The following SMAD7 variants were observed in gnomAD, a reference collection of about 807,000 sequenced individuals.
The protein encoded by SMAD7 is MAD (mothers against decapentaplegic, Drosophila) homolog 7.
SMAD7 carries 8 observed loss-of-function variants against 38.7 expected under a neutral mutation model. The observed-to-expected ratio is 0.21, with a 90% confidence interval of 0.12 to 0.37. The LOEUF (loss-of-function observed/expected upper bound fraction) is 0.37. Among genes scored for constraint, SMAD7 ranks in the 10% least tolerant of loss-of-function variants. The probability of loss-of-function intolerance (pLI) is 1.00; values close to 1 mark genes in which losing one functional copy is unlikely to be tolerated. For synonymous variants in SMAD7, 327 were observed against 265.1 expected (o/e 1.23, Z -2.27); for missense variants, 477 against 577.9 (o/e 0.83, Z 1.79).
rs1555716118 is a variant in SMAD7, at chr18:48,929,569, T to TCACACACACACACA, written c.743-7660_743-7659insTGTGTGTGTGTGTG. On this transcript the variant is annotated intron_variant, in intron 3 of 3. Coordinates refer to ENST00000262158, the MANE Select transcript of SMAD7 (RefSeq NM_005904.4). ...CTCTCTTTCTCTCTCTCTCTCTCTCTCACTCACACACACACACACACACAC... is the reference window on the plus strand; with the variant it reads ...CTCTCTTTCTCTCTCTCTCTCTCTCTCACACACACACACACACTCACACACACACACACACACAC... 1.9e-3 allele frequency among the ~76,000 whole-genome samples: 221 copies of TCACACACACACACA among 114,610 alleles called. 1 individual carries two copies. Among genetic ancestry groups the TCACACACACACACA allele is most frequent in the Admixed American group, 3.5e-3 (39 of 11,210 alleles). The allele number at this position is 114,610 out of a possible 152,430, so 75.2% of individuals were successfully genotyped here. A position where few individuals can be genotyped will look rare whatever the true frequency, so the allele number is the denominator to read the frequency against.
chr18:48,941,135 C>G (rs2070134746), intron 3 of SMAD7, among the ~76,000 whole-genome samples: 1 of 152,162 alleles, frequency 6.6e-6, no homozygotes, highest in African/African-American at 2.4e-5. Flanking sequence ...TTCTTTCTTT[C>G]AAGAACTCTC....
At chr18:48,934,677 T>G (rs1160938409) in intron 3 of SMAD7, among the ~76,000 whole-genome samples, 1 of 151,944 alleles carries the variant, frequency 6.6e-6, no homozygotes, top group African/African-American at 2.4e-5. Flanking sequence ...ACCCTTCTGG[T>G]AAAATATTTT....
intron 3 of SMAD7, among the ~76,000 whole-genome samples, chr18:48,937,015 G>T (rs984817805): frequency 6.6e-6 from 1 of 151,858 alleles, no homozygotes; most frequent in Non-Finnish European, 1.5e-5. Flanking sequence ...GGAGGCAGAG[G>T]TTGCAGTGAC....
rs1375788720 is a variant in SMAD7, at chr18:48,950,508, C to G, written c.-84G>C. On this transcript the variant is annotated 5_prime_UTR_variant, in exon 1 of 4. Coordinates refer to ENST00000262158, the MANE Select transcript of SMAD7 (RefSeq NM_005904.4). ...CGCACACCATGAAGAAGTCGGGCGC[C>G]GAGTTGGGGCAGCAGGCGCAGGCGA... 7.4e-7 allele frequency: 1 copy of G among 1,355,164 alleles called. No homozygotes were observed. The highest frequency in any genetic ancestry group is 3.1e-5 in the Admixed American group (1 of 32,722). 83.9% of individuals were successfully genotyped at this position (1,355,164 alleles called of 1,614,324 possible).
At chr18:48,946,442 G>T (rs1283007316) in intron 2 of SMAD7, among the ~76,000 whole-genome samples, 1 of 151,678 alleles carries the variant, frequency 6.6e-6, no homozygotes, top group African/African-American at 2.4e-5. Flanking sequence ...GGGGGGGTGT[G>T]CTCCAGCTCC....
chr18:48,933,899 A>G (rs1045395126), intron 3 of SMAD7, among the ~76,000 whole-genome samples: 1 of 152,228 alleles, frequency 6.6e-6, no homozygotes, highest in Non-Finnish European at 1.5e-5. Context: ...AACAAAACAA[A>G]GCACGCTAAG....
At chr18:48,932,406 G>A (rs1170641352) in intron 3 of SMAD7, among the ~76,000 whole-genome samples, 1 of 152,210 alleles carries the variant, frequency 6.6e-6, no homozygotes, top group African/African-American at 2.4e-5. Context: ...ATACTGAAAT[G>A]AGCACACAGT....
At chr18:48,922,956 T>A (rs1393485897) in intron 3 of SMAD7, among the ~76,000 whole-genome samples, 2 of 151,474 alleles carry the variant, frequency 1.3e-5, no homozygotes, top group African/African-American at 4.9e-5. Flanking sequence ...AAAAGGGGGG[T>A]CACACGGAGG....
intron 3 of SMAD7, among the ~76,000 whole-genome samples, chr18:48,922,908 G>GT (rs2069879932): frequency 6.6e-6 from 1 of 152,116 alleles, no homozygotes; most frequent in Non-Finnish European, 1.5e-5. Flanking sequence ...GGTGATTCTG[G>GT]TAAGGTAATT....
intron 2 of SMAD7, among the ~76,000 whole-genome samples, chr18:48,943,578 C>A (rs530102282): frequency 6.6e-6 from 1 of 152,230 alleles, no homozygotes; most frequent in African/African-American, 2.4e-5. Context: ...GCGCCAAACT[C>A]CCTGAAGTCC....
At chr18:48,924,907 G>A (rs2069907959) in intron 3 of SMAD7, among the ~76,000 whole-genome samples, 1 of 152,232 alleles carries the variant, frequency 6.6e-6, no homozygotes, top group Non-Finnish European at 1.5e-5. Context: ...ATCCCCCATT[G>A]CCACTACAGA....
rs191891818 is a variant in SMAD7, at chr18:48,932,975, C to T, written c.742+9506G>A. Among the ~76,000 whole-genome samples the T allele has an allele frequency of 7.2e-5, 11 of 152,232 alleles. No individual in the cohort carries two copies. In the East Asian group the frequency reaches 1.7e-3, roughly 24 times the overall value. On this transcript the variant is annotated intron_variant, in intron 3 of 3. Transcript: ENST00000262158. ...GGCCGTGGTCCACTGAGGAGCCTGG[C>T]GCTAGGCTGGTCACTTCCACTCTGT...
intron 1 of SMAD7, 67 bp downstream of exon 1, chr18:48,949,745 C>A (rs2070239141): frequency 6.0e-6 from 9 of 1,496,084 alleles, no homozygotes; most frequent in Non-Finnish European, 8.1e-6. Context: ...AAACGCACTG[C>A]CCTAGGGGCT....
At chr18:48,941,417 A>C (rs1410299881) in intron 3 of SMAD7, among the ~76,000 whole-genome samples, 2 of 152,106 alleles carry the variant, frequency 1.3e-5, no homozygotes. Flanking sequence ...CCGGGGAGGG[A>C]GCCGTCCGGG....
intron 3 of SMAD7, among the ~76,000 whole-genome samples, chr18:48,927,443 T>A (rs1599222165): frequency 6.6e-6 from 1 of 152,046 alleles, no homozygotes; most frequent in East Asian, 1.9e-4. Context: ...GCAGGCTTCG[T>A]TTCCACCCCT....
intron 3 of SMAD7, among the ~76,000 whole-genome samples, chr18:48,933,137 G>C (rs2070022716): frequency 6.6e-6 from 1 of 152,182 alleles, no homozygotes; most frequent in African/African-American, 2.4e-5. Context: ...ACCTACCTCT[G>C]TTTATCCACA....
intron 3 of SMAD7, among the ~76,000 whole-genome samples, chr18:48,941,504 C>G (rs1321353367): frequency 6.6e-6 from 1 of 152,096 alleles, no homozygotes; most frequent in African/African-American, 2.4e-5. Context: ...AAAAGGGTGC[C>G]CCTCACACAA....
intron 3 of SMAD7, among the ~76,000 whole-genome samples, chr18:48,935,982 T>G (rs1462143785): frequency 6.6e-6 from 1 of 151,792 alleles, no homozygotes; most frequent in African/African-American, 2.4e-5. Context: ...TACTGACGCA[T>G]GAGAATGGCT....
intron 3 of SMAD7, among the ~76,000 whole-genome samples, chr18:48,934,639 G>A (rs201855827): frequency 2.7e-4 from 41 of 152,122 alleles, no homozygotes; most frequent in Non-Finnish European, 4.6e-4. Flanking sequence ...GGGAAATAAG[G>A]CGGCAGTTAA....
Sources: allele counts gnomAD v4.1 joint callset (sites outside exome capture counted in the v4.1 genomes callset), GRCh38; gene constraint gnomAD v4.1.1; transcripts MANE v1.5; gene names NCBI Gene and HGNC (gene_info 2026-07-23, HGNC 2026-07-21).